Variants in CPPED1 observed in about 807,000 individuals in gnomAD.
The protein encoded by CPPED1 is calcineurin like phosphoesterase domain containing 1.
In CPPED1, 28 loss-of-function variants were observed where a neutral mutation model predicts 28.0. That is an observed-to-expected ratio of 1.00 (90% CI 0.74 to 1.37). The LOEUF (loss-of-function observed/expected upper bound fraction) is 1.37, where lower values mean the gene tolerates loss of function less well. Among genes scored for constraint, CPPED1 ranks in the 40% most tolerant of loss-of-function variants. CPPED1 has a pLI of 0.00. For synonymous variants in CPPED1, 198 were observed against 180.2 expected (o/e 1.10, Z -0.79); for missense variants, 504 against 416.5 (o/e 1.21, Z -1.83).
At chr16:12,693,605 A>G (rs2079974804) in intron 3 of CPPED1, among the ~76,000 whole-genome samples, 1 of 152,208 alleles carries the variant, frequency 6.6e-6, no homozygotes, top group African/African-American at 2.4e-5. Context: ...TTACAAAGCA[A>G]TGTTGTAGAT....
chr16:12,723,684 A>T (rs540831227), intron 2 of CPPED1, among the ~76,000 whole-genome samples: 61 of 152,224 alleles, frequency 4.0e-4, no homozygotes, highest in African/African-American at 1.5e-3. Context: ...ACAGAAAAGG[A>T]ATTCACTCCC....
chr16:12,734,314 C>T lies in CPPED1; in HGVS notation c.290-29265G>A, dbSNP rs1314860530. ...CGAACTCCTGGCCTCAAGTGATCTG[C>T]CCACCTCGGCCTCCTGAAGTGCTGG... On this transcript the variant is annotated intron_variant, in intron 2 of 3. Transcript: ENST00000381774. Among the ~76,000 whole-genome samples, 6 of 152,156 alleles carry T rather than the reference C, an allele frequency of 3.9e-5. No individual in the cohort carries two copies. In the East Asian group the frequency reaches 7.7e-4, roughly 20 times the overall value.
At chr16:12,772,930 T>C (rs541918566) in intron 2 of CPPED1, among the ~76,000 whole-genome samples, 2 of 152,360 alleles carry the variant, frequency 1.3e-5, no homozygotes, top group Admixed American at 1.3e-4. Flanking sequence ...AATCCAGTAA[T>C]ATTTTGTTAG....
intron 2 of CPPED1, among the ~76,000 whole-genome samples, chr16:12,708,979 C>T (rs944741862): frequency 6.6e-6 from 1 of 152,170 alleles, no homozygotes; most frequent in African/African-American, 2.4e-5. Flanking sequence ...ACTCAGGAGG[C>T]TGAGACAGGA....
At chr16:12,745,696 G>C (rs181123095) in intron 2 of CPPED1, among the ~76,000 whole-genome samples, 2 of 152,350 alleles carry the variant, frequency 1.3e-5, no homozygotes, top group Non-Finnish European at 2.9e-5. Context: ...GGAGGAGAGA[G>C]AGGAGCAGAA....
intron 2 of CPPED1, among the ~76,000 whole-genome samples, chr16:12,771,086 G>GT (rs1567302409): frequency 6.6e-6 from 1 of 152,064 alleles, no homozygotes; most frequent in Non-Finnish European, 1.5e-5. Context: ...AAAAAGATCC[G>GT]TATCTACCCT....
chr16:12,772,391 C>T (rs1484109640), intron 2 of CPPED1, among the ~76,000 whole-genome samples: 1 of 152,216 alleles, frequency 6.6e-6, no homozygotes, highest in East Asian at 1.9e-4. Flanking sequence ...TACTGATTTG[C>T]TTCCTCTCCT....
intron 2 of CPPED1, among the ~76,000 whole-genome samples, chr16:12,760,021 C>T (rs992450116): frequency 2.0e-5 from 3 of 152,164 alleles, no homozygotes; most frequent in Admixed American, 6.5e-5. Flanking sequence ...GTCATCCTTC[C>T]AATGGCAGCT....
At chr16:12,767,883 G>C (rs759739435) in intron 2 of CPPED1, among the ~76,000 whole-genome samples, 40 of 152,102 alleles carry the variant, frequency 2.6e-4, no homozygotes, top group Non-Finnish European at 3.8e-4. Context: ...CTTGAACCCA[G>C]GAGGAAGGTT....
At chr16:12,672,194 G>T (rs2079856050) in intron 3 of CPPED1, among the ~76,000 whole-genome samples, 1 of 152,220 alleles carries the variant, frequency 6.6e-6, no homozygotes, top group African/African-American at 2.4e-5. Context: ...ATTAGAATTT[G>T]AACAGAAAGA....
chr16:12,717,730 C>T (rs1383671527), intron 2 of CPPED1, among the ~76,000 whole-genome samples: 1 of 152,172 alleles, frequency 6.6e-6, no homozygotes, highest in East Asian at 1.9e-4. Context: ...CAACCTCCAC[C>T]TCCTGGGTTC....
intron 2 of CPPED1, among the ~76,000 whole-genome samples, chr16:12,772,517 C>A (rs939837651): frequency 2.6e-5 from 4 of 152,164 alleles, no homozygotes; most frequent in African/African-American, 9.7e-5. Context: ...CACTTTTGTG[C>A]ATGCTCCCTC....
Position 12,670,944 on chromosome 16 carries a change from G to A in CPPED1, c.716-5829C>T, listed in dbSNP as rs921637706. Among the ~76,000 whole-genome samples the A allele has an allele frequency of 2.0e-5, 3 of 152,040 alleles. No individual in the cohort carries two copies. The highest frequency in any genetic ancestry group is 7.2e-5 in the African/African-American group (3 of 41,384). On this transcript the variant is annotated intron_variant, in intron 3 of 3. Transcript: ENST00000381774. This position sits in a 1 kb window ranked among gnomAD's most constrained non-coding sequence, Gnocchi z 4.2. ...CGGCTCACTGCAAACTCCGCCTCCCGGGTTCAAGTGATTCTCCTGCCTCAG... is the reference window on the plus strand; with the variant it reads ...CGGCTCACTGCAAACTCCGCCTCCCAGGTTCAAGTGATTCTCCTGCCTCAG...
intron 3 of CPPED1, among the ~76,000 whole-genome samples, chr16:12,690,475 C>T (rs575730245): frequency 8.6e-5 from 13 of 151,420 alleles, no homozygotes; most frequent in African/African-American, 1.7e-4. Flanking sequence ...GGTCATGCCA[C>T]TGCACTCCAG....
chr16:12,789,793 C>A (rs537736446), intron 1 of CPPED1, among the ~76,000 whole-genome samples: 2 of 152,246 alleles, frequency 1.3e-5, no homozygotes, highest in African/African-American at 4.8e-5. Flanking sequence ...TCCCAAGGTG[C>A]TAGGATTACA....
At chr16:12,767,261 G>T (rs1056594810) in intron 2 of CPPED1, among the ~76,000 whole-genome samples, 1 of 152,120 alleles carries the variant, frequency 6.6e-6, no homozygotes, top group South Asian at 2.1e-4. Context: ...CGATGTCCAG[G>T]GGCAGGAGAA....
In CPPED1 at chr16:12,664,292, C is replaced by T; in HGVS notation, c.*594G>A. On this transcript the variant is annotated 3_prime_UTR_variant, in exon 4 of 4. Coordinates refer to ENST00000381774, the MANE Select transcript of CPPED1 (RefSeq NM_018340.3). The surrounding 1 kb of genome is among the most constrained non-coding windows in gnomAD (Gnocchi z 4.2). ...TTTAAGCTCCGAGCTGTATCAACTG[C>T]ATTCTGTTCCTATCATCAGAAGTCT... The T allele has an allele frequency of 1.1e-6, 1 of 883,128 alleles. No homozygotes were observed. Among genetic ancestry groups the T allele is most frequent in the Non-Finnish European group, 1.4e-6 (1 of 736,400 alleles). 54.7% of individuals were successfully genotyped at this position (883,128 alleles called of 1,614,324 possible).
intron 1 of CPPED1, among the ~76,000 whole-genome samples, chr16:12,787,466 C>T (rs371118583): frequency 3.4e-4 from 50 of 145,890 alleles, no homozygotes; most frequent in Non-Finnish European, 6.1e-4. Flanking sequence ...AGTGCGGTGG[C>T]GTGGTCTCAG....
chr16:12,796,407 A>G (rs539104152), intron 1 of CPPED1, among the ~76,000 whole-genome samples: 1 of 152,054 alleles, frequency 6.6e-6, no homozygotes, highest in East Asian at 1.9e-4. Flanking sequence ...AGGCAGGAGA[A>G]TCGCTTGAAT....
Sources: gnomAD v4.1 joint callset for allele counts (sites outside exome capture counted in the v4.1 genomes callset) on GRCh38, gnomAD v4.1.1 for gene constraint, Gnocchi (gnomAD v3.1) non-coding constraint, MANE v1.5 for transcripts, NCBI Gene and HGNC (gene_info 2026-07-23, HGNC 2026-07-21) for gene names.